Variants in ASTL observed in about 807,000 individuals in gnomAD.
ASTL encodes astacin-like metalloendopeptidase.
In ASTL, 27 loss-of-function variants were observed where a neutral mutation model predicts 36.7. The ratio of observed to expected loss-of-function variants is 0.73; its 90% CI spans 0.54 to 1.01. The LOEUF (loss-of-function observed/expected upper bound fraction) is 1.01. ASTL is among the 50% of genes least tolerant of loss of function. The pLI is 0.00. For missense variants in ASTL, 524 were observed against 572.8 expected (o/e 0.91, Z 0.87); for synonymous variants, 222 against 228.1 (o/e 0.97, Z 0.24).
intron 4 of ASTL, 42 bp from the exon 5 acceptor site, chr2:96,133,584 T>G: frequency 7.2e-7 from 1 of 1,397,872 alleles, no homozygotes; most frequent in Non-Finnish European, 1.0e-6. Flanking sequence ...GCCCTGGTGG[T>G]CTTTGAGCTC....
Position 96,132,461 on chromosome 2 carries a change from A to G in ASTL, c.637+79T>C. On this transcript the variant is annotated intron_variant, in intron 6 of 8. Transcript: ENST00000342380. This position sits in a 1 kb window ranked among gnomAD's most constrained non-coding sequence, Gnocchi z 5.4. ...ATGGGGAGGATGGATAGCCTCACCC[A>G]TGGGGACCAGGCGACTTGGGCCCAA... is the stretch of plus-strand genomic sequence containing the variant. 7.3e-7 allele frequency: 1 copy of G among 1,369,400 alleles called. No individual in the cohort carries two copies. The highest frequency in any genetic ancestry group is 2.2e-5 in the Admixed American group (1 of 46,316). The allele number at this position is 1,369,400 out of a possible 1,614,324, so 84.8% of individuals were successfully genotyped here.
chr2:96,129,450 G>A (rs551881830), intron 8 of ASTL, among the ~76,000 whole-genome samples: 1 of 152,116 alleles, frequency 6.6e-6, no homozygotes, highest in South Asian at 2.1e-4. Context: ...CCAATCCTCG[G>A]ACCTTTAGTT....
chr2:96,127,059 C>T (rs1446542492), intron 8 of ASTL, among the ~76,000 whole-genome samples: 4 of 152,296 alleles, frequency 2.6e-5, no homozygotes, highest in South Asian at 2.1e-4. Flanking sequence ...ATCTATCCAA[C>T]GGAATGTTAT....
chr2:96,130,871 T>C (rs1010490047), intron 6 of ASTL, among the ~76,000 whole-genome samples: 2 of 152,214 alleles, frequency 1.3e-5, no homozygotes, highest in Admixed American at 1.3e-4. Context: ...TTTGAATAAG[T>C]AGTATATTCA....
At chr2:96,138,274 T>C in intron 1 of ASTL, 108 bp downstream of exon 1, 1 of 1,059,426 alleles carries the variant, frequency 9.4e-7, no homozygotes, top group Non-Finnish European at 1.4e-6. Flanking sequence ...TGCTCTGAGC[T>C]ACTGAGCTCA....
At position 96,124,128 on chromosome 2, in the gene ASTL, C is replaced by T. The variant is rs1343695758; in HGVS notation, c.1018G>A (p.Gly340Arg). ...AGGQPVPAGP[G>R]ESPHGWESPA... ...GACTCCCACCCATGTGGGCTCTCCC[C>T]AGGCCCTGCAGGAACGGGCTGGCCT... is the stretch of plus-strand genomic sequence containing the variant. The change falls in exon 9 of 9, where the codon GGG becomes AGG. Residue 340 changes from glycine (G) to arginine (R), a missense_variant. Physicochemically the swap from Gly to Arg is moderately radical, Grantham distance 125 (BLOSUM62 -2). Transcript: ENST00000342380. The surrounding 1 kb of genome is among the most constrained non-coding windows in gnomAD (Gnocchi z 4.1). 14 of 1,585,782 alleles carry T rather than the reference C, an allele frequency of 8.8e-6. No homozygotes were observed. The highest frequency in any genetic ancestry group is 1.1e-5 in the Non-Finnish European group (13 of 1,164,534).
At position 96,124,033 on chromosome 2, in the gene ASTL, T is replaced by C. The variant is rs1316378555; in HGVS notation, c.1113A>G (p.Arg371=). 6.2e-7 allele frequency: 1 copy of C among 1,613,934 alleles called. No homozygotes were observed. The change falls in exon 9 of 9, where the codon AGA becomes AGG. Residue 371 remains arginine, a synonymous_variant. Transcript: ENST00000342380. This position sits in a 1 kb window ranked among gnomAD's most constrained non-coding sequence, Gnocchi z 4.1. The stretch of plus-strand genomic sequence containing the variant: ...CGGGGGCACCTGCTCCAGGCCTTGA[T>C]CTTGGGGAGGAAGCTAGGGTCTGAG... ...RQPQTLASSP[R]SRPGAGAPGV...
Position 96,137,506 on chromosome 2 carries a change from G to C in ASTL, c.181+69C>G, listed in dbSNP as rs1682324942. 2.6e-6 allele frequency: 4 copies of C among 1,539,452 alleles called. No individual in the cohort carries two copies. The Admixed American group carries it at 7.0e-5, about 27-fold the overall frequency. ...CCTCCCAGGCTCTGCATTTCTGAGT[G>C]TTCGGTGTGGTTTTCACACTACATA... On this transcript the variant is annotated intron_variant, in intron 2 of 8. Coordinates refer to ENST00000342380, the MANE Select transcript of ASTL (RefSeq NM_001002036.4).
Position 96,129,948 on chromosome 2 carries a change from G to A in ASTL, c.750C>T (p.Thr250=). The A allele has an allele frequency of 6.2e-7, 1 of 1,605,484 alleles. No homozygotes were observed. The highest frequency in any genetic ancestry group is 8.5e-7 in the Non-Finnish European group (1 of 1,173,386). Residue 250 remains threonine (T), a synonymous_variant, in exon 8 of 9, where the codon ACC becomes ACT. Coordinates refer to ENST00000342380, the MANE Select transcript of ASTL (RefSeq NM_001002036.4). ...CACTGGGGGCCCAAAGTGGTGTGATGGTGGGCAGCCCACGCCGGCTGAAGG... is the reference window on the plus strand; with the variant it reads ...CACTGGGGGCCCAAAGTGGTGTGATAGTGGGCAGCCCACGCCGGCTGAAGG... The part of the protein sequence containing the change: ...RLAFSRRGLP[T]ITPLWAPSVH...
intron 6 of ASTL, among the ~76,000 whole-genome samples, chr2:96,131,340 G>A (rs1318668784): frequency 1.3e-5 from 2 of 151,770 alleles, no homozygotes; most frequent in East Asian, 1.9e-4. Flanking sequence ...AGAAAGTTTT[G>A]TTGTTTTTTT....
rs1436878481 is a variant in ASTL, at chr2:96,124,506, A to T, written c.875-235T>A. ...AGAATGTCAGTCCACTCAGGCTTCC[A>T]CCACTGCCCCATTCACACCCGAGAC... is the stretch of plus-strand genomic sequence containing the variant. On this transcript the variant is annotated intron_variant, in intron 8 of 8. Transcript: ENST00000342380. This position sits in a 1 kb window ranked among gnomAD's most constrained non-coding sequence, Gnocchi z 4.1. Among the ~76,000 whole-genome samples, 1 of 151,980 alleles carries T rather than the reference A, an allele frequency of 6.6e-6. No homozygotes were observed. Among genetic ancestry groups the T allele is most frequent in the Non-Finnish European group, 1.5e-5 (1 of 67,978 alleles).
intron 3 of ASTL, among the ~76,000 whole-genome samples, chr2:96,134,929 C>T: frequency 6.6e-6 from 1 of 152,248 alleles, no homozygotes; most frequent in Non-Finnish European, 1.5e-5. Context: ...CCAAGATGGT[C>T]AGGCTCAACA....
intron 2 of ASTL, among the ~76,000 whole-genome samples, chr2:96,136,883 C>T (rs1263537976): frequency 2.6e-5 from 4 of 152,204 alleles, no homozygotes; most frequent in Non-Finnish European, 4.4e-5. Flanking sequence ...GATGCTCTGT[C>T]GCCCAGGCTG....
Position 96,129,835 on chromosome 2 carries a change from G to T in ASTL, c.863C>A (p.Pro288His). 1 of 1,558,870 alleles carries T rather than the reference G, an allele frequency of 6.4e-7. No homozygotes were observed. Among genetic ancestry groups the T allele is most frequent in the Non-Finnish European group, 8.7e-7 (1 of 1,149,462 alleles). ...GCCATGCCACTCACCTCTCCCACGGGGCCTGGGGCCACTTGGGCTGCAGCC... is the reference window on the plus strand; with the variant it reads ...GCCATGCCACTCACCTCTCCCACGGTGCCTGGGGCCACTTGGGCTGCAGCC... Reference protein sequence around the residue: ...LYGCSPSGPRPRGRGSHAHST... With the variant: ...LYGCSPSGPRHRGRGSHAHST... Residue 288 changes from proline (P) to histidine (H), a missense_variant, in exon 8 of 9, where the codon CCC (proline) becomes CAC (histidine). Transcript: ENST00000342380.
rs373075445 is a variant in ASTL at position 96,138,288 on chromosome 2, A to G, written c.55+94T>C. 166 of 1,204,754 alleles carry G rather than the reference A, an allele frequency of 1.4e-4. No homozygotes were observed. The East Asian group carries it at 3.4e-3, about 25-fold the overall frequency. 74.6% of individuals were successfully genotyped at this position (1,204,754 alleles called of 1,614,324 possible). A position where few individuals can be genotyped will look rare whatever the true frequency, so the allele number is the denominator to read the frequency against. ...GTGCTCTGAGCTACTGAGCTCAGCTACAATCCCTGCAGGCTCCAGCCACAA... is the reference window on the plus strand; with the variant it reads ...GTGCTCTGAGCTACTGAGCTCAGCTGCAATCCCTGCAGGCTCCAGCCACAA... On this transcript the variant is annotated intron_variant, in intron 1 of 8. Coordinates refer to ENST00000342380, the MANE Select transcript of ASTL (RefSeq NM_001002036.4).
intron 8 of ASTL, among the ~76,000 whole-genome samples, chr2:96,126,764 G>A (rs1325635333): frequency 2.0e-5 from 3 of 152,008 alleles, no homozygotes; most frequent in South Asian, 2.1e-4. Flanking sequence ...GCTGAGGCAG[G>A]AGAATTGCTT....
At chr2:96,128,857 TG>T (rs1682112731) in intron 8 of ASTL, among the ~76,000 whole-genome samples, 1 of 152,150 alleles carries the variant, frequency 6.6e-6, no homozygotes, top group South Asian at 2.1e-4. Context: ...CTGGCCAACA[TG>T]GTGAAACCCT....
chr2:96,126,923 C>G (rs946312470), intron 8 of ASTL, among the ~76,000 whole-genome samples: 1 of 151,936 alleles, frequency 6.6e-6, no homozygotes, highest in Non-Finnish European at 1.5e-5. Context: ...CCATTCCTAG[C>G]TGTATACCCA....
Position 96,132,682 on chromosome 2 carries a change from C to T in ASTL, c.495G>A (p.Val165=). 3.1e-6 allele frequency: 5 copies of T among 1,612,968 alleles called. No homozygotes were observed. Among genetic ancestry groups the T allele is most frequent in the Non-Finnish European group, 4.2e-6 (5 of 1,179,340 alleles). Reference sequence around the variant, plus strand: ...GGAGACACGTGGGCGCCAGGGAGACCACCTGCATCCCTCCACTGCGCCCCA... The same window carrying T: ...GGAGACACGTGGGCGCCAGGGAGACTACCTGCATCCCTCCACTGCGCCCCA... ...SSVGRSGGMQ[V]VSLAPTCLQK... Residue 165 remains valine (V), a synonymous_variant, in exon 6 of 9, where the codon GTG becomes GTA. Transcript: ENST00000342380. The surrounding 1 kb of genome is among the most constrained non-coding windows in gnomAD (Gnocchi z 5.4).
Sources: allele counts gnomAD v4.1 joint callset (sites outside exome capture counted in the v4.1 genomes callset), GRCh38; gene constraint gnomAD v4.1.1; non-coding constraint Gnocchi (gnomAD v3.1); transcripts MANE v1.5; gene names NCBI Gene and HGNC (gene_info 2026-07-23, HGNC 2026-07-21).